Variants in ZNHIT6 observed in about 807,000 individuals in gnomAD.
ZNHIT6 encodes zinc finger HIT-type containing 6.
A neutral mutation model predicts 57.2 loss-of-function variants in ZNHIT6; 45 were observed. The observed-to-expected ratio is 0.79, with a 90% CI of 0.62 to 1.01. The LOEUF is 1.01. Among genes scored for constraint, ZNHIT6 ranks in the 50% least tolerant of loss-of-function variants. ZNHIT6 has a pLI of 0.00. For missense variants in ZNHIT6, 528 were observed against 567.3 expected (o/e 0.93, Z 0.70); for synonymous variants, 188 against 190.0 (o/e 0.99, Z 0.09).
intron 8 of ZNHIT6, 46 bp downstream of exon 8, chr1:85,677,190 C>A: frequency 6.9e-7 from 1 of 1,442,546 alleles, no homozygotes; most frequent in South Asian, 1.3e-5. Flanking sequence ...AATTATATTA[C>A]AGAACTAAAA....
chr1:85,694,671 A>T (rs1662314564), intron 5 of ZNHIT6, among the ~76,000 whole-genome samples: 1 of 152,184 alleles, frequency 6.6e-6, no homozygotes, highest in Non-Finnish European at 1.5e-5. Flanking sequence ...CATGTTAGCC[A>T]GGATGGTCTC....
At chr1:85,671,313 T>C (rs545903485) in intron 8 of ZNHIT6, among the ~76,000 whole-genome samples, 2 of 152,252 alleles carry the variant, frequency 1.3e-5, no homozygotes, top group Admixed American at 1.3e-4. Flanking sequence ...TAAGAAATTA[T>C]ATGGCTGATG....
At chr1:85,678,645 T>A (rs574743367) in intron 7 of ZNHIT6, 56 bp downstream of exon 7, 2 of 1,173,310 alleles carry the variant, frequency 1.7e-6, no homozygotes, top group East Asian at 2.4e-5. Flanking sequence ...ATGACCCTAA[T>A]AAGTACATCA....
intron 5 of ZNHIT6, among the ~76,000 whole-genome samples, chr1:85,686,541 T>C (rs1557860098): frequency 6.6e-6 from 1 of 152,136 alleles, no homozygotes; most frequent in African/African-American, 2.4e-5. Flanking sequence ...TGTTCTTTTT[T>C]TTTTAATCAC....
At chr1:85,672,615 C>CT (rs1419976556) in intron 8 of ZNHIT6, among the ~76,000 whole-genome samples, 1 of 152,122 alleles carries the variant, frequency 6.6e-6, no homozygotes, top group African/African-American at 2.4e-5. Context: ...ACTTTTAAGA[C>CT]TTAGACATAG....
At chr1:85,688,845 A>G (rs761077132) in intron 5 of ZNHIT6, among the ~76,000 whole-genome samples, 43 of 150,974 alleles carry the variant, frequency 2.8e-4, no homozygotes, top group Non-Finnish European at 5.6e-4. Flanking sequence ...GACACAATAA[A>G]GAATCAGAAA....
intron 8 of ZNHIT6, among the ~76,000 whole-genome samples, chr1:85,673,795 A>T (rs1034371280): frequency 6.6e-6 from 1 of 151,924 alleles, no homozygotes; most frequent in Non-Finnish European, 1.5e-5. Flanking sequence ...TGTACCAATC[A>T]AATGTAAATG....
chr1:85,670,099 GC>G (rs1661514685), intron 8 of ZNHIT6, among the ~76,000 whole-genome samples: 1 of 151,812 alleles, frequency 6.6e-6, no homozygotes, highest in Admixed American at 6.6e-5. Flanking sequence ...GAGAATTGAA[GC>G]CCCCAACTGT....
intron 8 of ZNHIT6, among the ~76,000 whole-genome samples, chr1:85,673,837 G>C (rs1661631079): frequency 1.3e-5 from 2 of 152,088 alleles, no homozygotes; most frequent in Non-Finnish European, 2.9e-5. Flanking sequence ...GTATGTTACA[G>C]AGAACATTAT....
chr1:85,687,299 C>G (rs9433387), intron 5 of ZNHIT6, among the ~76,000 whole-genome samples: 2 of 77,930 alleles, frequency 2.6e-5, no homozygotes, highest in African/African-American at 9.6e-5. Context: ...AAAAAAAAAA[C>G]AAAAAAAAAA....
In ZNHIT6 at chr1:85,675,279, T is replaced by A. The variant is rs149755647; in HGVS notation, c.1247+1957A>T. ...GAAGTATGCTTAAATGAAACTCACA[T>A]GACCTAGCTCTAGGCATTCAACTCC... On this transcript the variant is annotated intron_variant, in intron 8 of 9. Transcript: ENST00000370574. Among the ~76,000 whole-genome samples, 35 of 152,352 alleles carry A rather than the reference T, an allele frequency of 2.3e-4. No individual in the cohort carries two copies. The East Asian group carries it at 5.6e-3, about 24-fold the overall frequency.
intron 7 of ZNHIT6, among the ~76,000 whole-genome samples, chr1:85,677,997 T>C (rs776318300): frequency 3.4e-5 from 5 of 147,204 alleles, no homozygotes; most frequent in Non-Finnish European, 6.0e-5. Context: ...TTAAGCTTTG[T>C]AACAACCCTA....
At chr1:85,677,830 T>C (rs1271630463) in intron 7 of ZNHIT6, among the ~76,000 whole-genome samples, 2 of 152,172 alleles carry the variant, frequency 1.3e-5, no homozygotes, top group Non-Finnish European at 2.9e-5. Context: ...CAAGCACTCA[T>C]TCACATCCCA....
At chr1:85,658,635 G>A (rs1661133496) in intron 8 of ZNHIT6, among the ~76,000 whole-genome samples, 2 of 152,188 alleles carry the variant, frequency 1.3e-5, no homozygotes, top group South Asian at 4.1e-4. Context: ...ACTTTGGGAG[G>A]TCAAGGTGGG....
At chr1:85,703,118 G>A (rs999237806) in intron 4 of ZNHIT6, among the ~76,000 whole-genome samples, 4 of 152,086 alleles carry the variant, frequency 2.6e-5, no homozygotes, top group Non-Finnish European at 5.9e-5. Flanking sequence ...TTCAGTAATG[G>A]TAGTGATAAT....
intron 8 of ZNHIT6, among the ~76,000 whole-genome samples, chr1:85,668,547 CT>C (rs1418230476): frequency 6.6e-6 from 1 of 152,180 alleles, no homozygotes; most frequent in Non-Finnish European, 1.5e-5. Context: ...CTTAGAAATT[CT>C]GGAATTTCTT....
chr1:85,667,788 GCCAGGTGTGGTAGTGTGTGCCTGTGATC>G (rs1233778042), intron 8 of ZNHIT6, among the ~76,000 whole-genome samples: 1 of 149,682 alleles, frequency 6.7e-6, no homozygotes, highest in South Asian at 2.1e-4. Context: ...ACAAAAATTA[GCCAGGTGTGGTAGTGTGTGCCTGTGATC>G]CCAGCTACTT....
chr1:85,689,974 G>A (rs1662172368), intron 5 of ZNHIT6, among the ~76,000 whole-genome samples: 1 of 152,146 alleles, frequency 6.6e-6, no homozygotes, highest in Non-Finnish European at 1.5e-5. Context: ...GCTAGCATCT[G>A]TTTCATATTA....
Position 85,657,895 on chromosome 1 carries a change from G to A in ZNHIT6, c.1324C>T (p.His442Tyr). Residue 442 changes from histidine (H) to tyrosine (Y), a missense_variant, in exon 9 of 10, where the codon CAT becomes TAT. Coordinates refer to ENST00000370574, the MANE Select transcript of ZNHIT6 (RefSeq NM_017953.4). The stretch of plus-strand genomic sequence containing the variant: ...TTATTGGATCCTTTCAATACCACAT[G>A]TAATGTTGGATACTCAATGATCACT... ...NKVIIEYPTL[H>Y]VVLKGSNNDM... The A allele has an allele frequency of 1.9e-6, 3 of 1,606,428 alleles. No individual in the cohort carries two copies. The highest frequency in any genetic ancestry group is 2.6e-6 in the Non-Finnish European group (3 of 1,175,508).
Sources: gnomAD v4.1 joint callset for allele counts (sites outside exome capture counted in the v4.1 genomes callset) on GRCh38, gnomAD v4.1.1 for gene constraint, MANE v1.5 for transcripts, NCBI Gene and HGNC (gene_info 2026-07-23, HGNC 2026-07-21) for gene names.